THSD4: variants seen among roughly 807,000 people sequenced by gnomAD.
THSD4 encodes thrombospondin type 1 domain containing 4.
Under a neutral mutation model 119.0 loss-of-function variants are expected in THSD4, and 69 were observed. That is an observed-to-expected ratio of 0.58 (90% confidence interval 0.48 to 0.71). THSD4 has a LOEUF of 0.71. Ranked by LOEUF, THSD4 falls within the 30% of genes least tolerant of loss-of-function variation. The pLI is 0.00. For missense variants in THSD4, 1,393 were observed against 1,391.1 expected, an observed-to-expected ratio of 1.00 and a Z score of -0.02; for synonymous variants, 524 against 540.4, an observed-to-expected ratio of 0.97 and a Z score of 0.42.
chr15:71,352,995 C>G (rs10459646), intron 6 of THSD4, among the ~76,000 whole-genome samples: 97,507 of 152,060 alleles, frequency 0.64, 31,454 homozygotes, highest in East Asian at 0.8. Context: ...GTAGGTGGGA[C>G]GATTGGGAGA....
chr15:71,510,080 G>T (rs1050814775), intron 7 of THSD4, among the ~76,000 whole-genome samples: 2 of 152,170 alleles, frequency 1.3e-5, no homozygotes, highest in Non-Finnish European at 2.9e-5. Flanking sequence ...GCTGTGTGTC[G>T]CTGCTCTACT....
chr15:71,532,953 G>A (rs2048637675), intron 7 of THSD4, among the ~76,000 whole-genome samples: 1 of 152,196 alleles, frequency 6.6e-6, no homozygotes, highest in Non-Finnish European at 1.5e-5. Context: ...TTTAGGCAGA[G>A]AGTGAACACC....
Position 71,226,814 on chromosome 15 carries a change from A to G in THSD4, c.464+11415A>G, listed in dbSNP as rs192182819. ...GCCTTATCTGTGTTTCTCCTTGGAAAGCCTCCCTGGCCATCCTGGGTAGTT... is the reference window on the plus strand; with the variant it reads ...GCCTTATCTGTGTTTCTCCTTGGAAGGCCTCCCTGGCCATCCTGGGTAGTT... On this transcript the variant is annotated intron_variant, in intron 4 of 17. Transcript: ENST00000261862. 2.1e-4 allele frequency among the ~76,000 whole-genome samples: 32 copies of G among 152,304 alleles called. 1 individual carries two copies. The East Asian group carries it at 3.5e-3, about 17-fold the overall frequency.
At chr15:71,299,995 A>G (rs1004924135) in intron 6 of THSD4, among the ~76,000 whole-genome samples, 12 of 143,066 alleles carry the variant, frequency 8.4e-5, no homozygotes, top group African/African-American at 2.1e-4. Context: ...ATATATATAT[A>G]TATATATTAG....
intron 7 of THSD4, among the ~76,000 whole-genome samples, chr15:71,563,889 G>A (rs1242781469): frequency 2.0e-5 from 3 of 152,126 alleles, no homozygotes; most frequent in Admixed American, 1.3e-4. Context: ...GACCTCAGAT[G>A]TGCTGCTCAT....
At chr15:71,423,211 A>G (rs2046830188) in intron 7 of THSD4, among the ~76,000 whole-genome samples, 1 of 152,144 alleles carries the variant, frequency 6.6e-6, no homozygotes, top group Non-Finnish European at 1.5e-5. Context: ...TCTAAGCTAC[A>G]AGACAAAGTC....
At chr15:71,565,568 T>G (rs573040926) in intron 7 of THSD4, among the ~76,000 whole-genome samples, 1 of 152,318 alleles carries the variant, frequency 6.6e-6, no homozygotes, top group Admixed American at 6.5e-5. Flanking sequence ...AGTGCACCCA[T>G]TCGTTGAAAT....
chr15:71,403,777 G>A (rs1214552838), intron 6 of THSD4, among the ~76,000 whole-genome samples: 2 of 152,224 alleles, frequency 1.3e-5, no homozygotes, highest in African/African-American at 4.8e-5. Context: ...TGTATATGCA[G>A]TATCCATGGG....
chr15:71,461,980 C>T (rs1021853221), intron 7 of THSD4, among the ~76,000 whole-genome samples: 2 of 151,956 alleles, frequency 1.3e-5, no homozygotes, highest in Admixed American at 6.5e-5. Flanking sequence ...TGTATGTTGG[C>T]GAGCCAACTC....
intron 1 of THSD4, among the ~76,000 whole-genome samples, chr15:71,121,936 G>A (rs915480772): frequency 3.3e-5 from 5 of 152,052 alleles, no homozygotes; most frequent in Non-Finnish European, 5.9e-5. Context: ...AAATCCAACC[G>A]TGCACATGAG....
intron 6 of THSD4, among the ~76,000 whole-genome samples, chr15:71,334,881 G>A (rs535853075): frequency 6.6e-6 from 1 of 152,190 alleles, no homozygotes; most frequent in Non-Finnish European, 1.5e-5. Context: ...GACAAAGGGG[G>A]AATCCGTTAC....
chr15:71,546,111 G>A (rs991375245), intron 7 of THSD4, among the ~76,000 whole-genome samples: 2 of 152,070 alleles, frequency 1.3e-5, no homozygotes, highest in African/African-American at 2.4e-5. Context: ...ATAACCATAG[G>A]ATGGCATTTC....
At chr15:71,517,620 T>C (rs1290716050) in intron 7 of THSD4, among the ~76,000 whole-genome samples, 2 of 152,244 alleles carry the variant, frequency 1.3e-5, no homozygotes, top group Non-Finnish European at 2.9e-5. Context: ...TAAGTCTCAC[T>C]GGCATCTCAG....
intron 3 of THSD4, among the ~76,000 whole-genome samples, chr15:71,202,345 T>C (rs1239700598): frequency 1.3e-5 from 2 of 152,090 alleles, no homozygotes; most frequent in Non-Finnish European, 2.9e-5. Flanking sequence ...TTGGCTACTT[T>C]CCTGTCTGCT....
At chr15:71,635,047 A>C (rs1466568193) in intron 7 of THSD4, among the ~76,000 whole-genome samples, 2 of 152,202 alleles carry the variant, frequency 1.3e-5, no homozygotes, top group Non-Finnish European at 2.9e-5. Context: ...TCCTGCTCAC[A>C]AACATTTGAT....
rs183462462 is a variant in THSD4, at chr15:71,218,293, T to C, written c.464+2894T>C. Among the ~76,000 whole-genome samples the C allele has an allele frequency of 2.9e-3, 436 of 152,258 alleles. 2 individuals are homozygous for C. Among genetic ancestry groups the C allele is most frequent in the African/African-American group, 9.5e-3 (395 of 41,540 alleles). ...GAAGGCGGTGCTGCTCACCCCCAGA[T>C]CCCTGCAGTACTCATCCTCCTGCGG... On this transcript the variant is annotated intron_variant, in intron 4 of 17. Coordinates refer to ENST00000261862, the MANE Select transcript of THSD4 (RefSeq NM_024817.3).
chr15:71,465,049 T>C (rs868806927), intron 7 of THSD4, among the ~76,000 whole-genome samples: 5 of 152,208 alleles, frequency 3.3e-5, no homozygotes, highest in Non-Finnish European at 7.3e-5. Flanking sequence ...ATTTTTTTCT[T>C]GGTGAGCGAG....
chr15:71,344,425 C>A (rs1174868360), intron 6 of THSD4, among the ~76,000 whole-genome samples: 2 of 152,068 alleles, frequency 1.3e-5, no homozygotes, highest in South Asian at 4.2e-4. Context: ...AGGACTTGGG[C>A]ATATTTGGGA....
intron 7 of THSD4, among the ~76,000 whole-genome samples, chr15:71,634,991 C>T (rs2050712060): frequency 6.6e-6 from 1 of 152,204 alleles, no homozygotes; most frequent in Non-Finnish European, 1.5e-5. Context: ...CACACAAAAG[C>T]CTGATCCCAT....
Sources: allele counts gnomAD v4.1 joint callset (sites outside exome capture counted in the v4.1 genomes callset), GRCh38; gene constraint gnomAD v4.1.1; transcripts MANE v1.5; gene names NCBI Gene and HGNC (gene_info 2026-07-23, HGNC 2026-07-21).